The following LMX1B variants were observed in gnomAD, a reference collection of about 807,000 sequenced individuals.
LMX1B encodes the protein LIM homeobox transcription factor 1 beta, also known as LIM homeobox transcription factor 1-beta.
A neutral mutation model predicts 51.4 loss-of-function variants in LMX1B; 12 were observed. That is an observed-to-expected ratio of 0.23 (90% CI 0.15 to 0.38). The LOEUF (loss-of-function observed/expected upper bound fraction) is 0.38, where lower values mean the gene tolerates loss of function less well. Among genes scored for constraint, LMX1B ranks in the 10% least tolerant of loss-of-function variants. LMX1B has a pLI of 1.00. For missense variants in LMX1B, 445 were observed against 571.1 expected (o/e 0.78, Z 2.25); for synonymous variants, 237 against 235.4 (o/e 1.01, Z -0.06).
chr9:126,642,631 G>T (rs1485136370), intron 2 of LMX1B, among the ~76,000 whole-genome samples: 1 of 152,236 alleles, frequency 6.6e-6, no homozygotes, highest in Non-Finnish European at 1.5e-5. Context: ...CTCCCTCACT[G>T]CATGGGTGTT....
At chr9:126,676,373 T>G (rs1836563441) in intron 2 of LMX1B, among the ~76,000 whole-genome samples, 1 of 152,210 alleles carries the variant, frequency 6.6e-6, no homozygotes, top group Non-Finnish European at 1.5e-5. Flanking sequence ...TGTCTCCCAG[T>G]GGCTTGTTCG....
intron 2 of LMX1B, among the ~76,000 whole-genome samples, chr9:126,684,714 C>T (rs572751308): frequency 1.3e-5 from 2 of 152,256 alleles, no homozygotes; most frequent in African/African-American, 4.8e-5. Flanking sequence ...CAATCACTTC[C>T]AGTCACAAGA....
chr9:126,674,364 A>G (rs1247719146), intron 2 of LMX1B, among the ~76,000 whole-genome samples: 1 of 151,596 alleles, frequency 6.6e-6, no homozygotes, highest in African/African-American at 2.4e-5. Flanking sequence ...CGCCTGCTCC[A>G]CTTGTAGGGT....
intron 2 of LMX1B, among the ~76,000 whole-genome samples, chr9:126,647,317 C>A (rs1472566414): frequency 6.6e-6 from 1 of 152,208 alleles, no homozygotes; most frequent in Non-Finnish European, 1.5e-5. Flanking sequence ...AAGATAAACT[C>A]CCTTAGAAGG....
chr9:126,648,858 G>C (rs1199016072), intron 2 of LMX1B, among the ~76,000 whole-genome samples: 2 of 152,166 alleles, frequency 1.3e-5, no homozygotes, highest in African/African-American at 4.8e-5. Context: ...GGAGGCAATG[G>C]CTTGCAGCCT....
intron 2 of LMX1B, among the ~76,000 whole-genome samples, chr9:126,621,507 T>C (rs1410912016): frequency 2.0e-5 from 3 of 152,116 alleles, no homozygotes; most frequent in African/African-American, 7.2e-5. Flanking sequence ...TTCACGAAGG[T>C]AGAGGAAGCA....
chr9:126,633,413 T>C (rs1238586916), intron 2 of LMX1B, among the ~76,000 whole-genome samples: 1 of 152,214 alleles, frequency 6.6e-6, no homozygotes, highest in African/African-American at 2.4e-5. Flanking sequence ...TGAACGGTGC[T>C]TACCTGTCCA....
intron 2 of LMX1B, among the ~76,000 whole-genome samples, chr9:126,670,264 G>C (rs1488884804): frequency 6.6e-6 from 1 of 152,248 alleles, no homozygotes; most frequent in Non-Finnish European, 1.5e-5. Flanking sequence ...CATGAGTAGA[G>C]GCGGCAGACC....
intron 2 of LMX1B, among the ~76,000 whole-genome samples, chr9:126,623,065 G>A (rs528503943): frequency 3.3e-5 from 5 of 152,386 alleles, no homozygotes; most frequent in African/African-American, 9.6e-5. Context: ...AGGCAGCCCC[G>A]TCTGGCAGGA....
chr9:126,659,573 C>T (rs901692010), intron 2 of LMX1B, among the ~76,000 whole-genome samples: 3 of 150,574 alleles, frequency 2.0e-5, no homozygotes, highest in South Asian at 4.2e-4. Flanking sequence ...GTGCCTATAC[C>T]GGCCTTAGAG....
intron 2 of LMX1B, among the ~76,000 whole-genome samples, chr9:126,685,083 A>G: frequency 6.6e-6 from 1 of 152,166 alleles, no homozygotes; most frequent in Admixed American, 6.5e-5. Context: ...CTGGGTTGGT[A>G]GGGACTTCAG....
chr9:126,654,440 G>T (rs1836075131), intron 2 of LMX1B, among the ~76,000 whole-genome samples: 1 of 152,240 alleles, frequency 6.6e-6, no homozygotes, highest in Non-Finnish European at 1.5e-5. Flanking sequence ...TGTCTATGAG[G>T]TGGGGAACGG....
chr9:126,683,891 A>C (rs1836723394), intron 2 of LMX1B, among the ~76,000 whole-genome samples: 1 of 152,110 alleles, frequency 6.6e-6, no homozygotes, highest in South Asian at 2.1e-4. Flanking sequence ...GTTCTTAGGT[A>C]TGTGTTATGT....
rs1836170273 is a variant in LMX1B, at chr9:126,658,822, A to C, written c.327-32014A>C. On this transcript the variant is annotated intron_variant, in intron 2 of 7. Coordinates refer to ENST00000373474, the MANE Select transcript of LMX1B (RefSeq NM_001174147.2). This position sits in a 1 kb window ranked among gnomAD's most constrained non-coding sequence, Gnocchi z 4.0. Reference sequence around the variant, plus strand: ...TGCAGCAGGAGAGACCGGGGGTTCAAATTCAGAAAGCCCCCTTGCCTGTAT... The same window carrying C: ...TGCAGCAGGAGAGACCGGGGGTTCACATTCAGAAAGCCCCCTTGCCTGTAT... Among the ~76,000 whole-genome samples the C allele has an allele frequency of 6.6e-6, 1 of 152,222 alleles. No homozygotes were observed. The highest frequency in any genetic ancestry group is 1.5e-5 in the Non-Finnish European group (1 of 68,048).
At chr9:126,646,525 A>G (rs535573346) in intron 2 of LMX1B, among the ~76,000 whole-genome samples, 21 of 152,346 alleles carry the variant, frequency 1.4e-4, no homozygotes, top group South Asian at 6.2e-4. Context: ...ACCTACAGGC[A>G]TCACCTGCCC....
At chr9:126,696,140 C>A in intron 7 of LMX1B, 137 bp downstream of exon 7, 1 of 1,158,438 alleles carries the variant, frequency 8.6e-7, no homozygotes, top group Non-Finnish European at 1.3e-6. Context: ...CCTGCCCCTG[C>A]TGACAGGAAG....
intron 2 of LMX1B, among the ~76,000 whole-genome samples, chr9:126,689,831 G>A (rs933270513): frequency 3.3e-5 from 5 of 152,236 alleles, no homozygotes; most frequent in African/African-American, 1.2e-4. Context: ...AAGCAACTCT[G>A]CCTCTTAGCA....
At chr9:126,693,913 T>G (rs1588307954) in intron 6 of LMX1B, 101 bp downstream of exon 6, 2 of 661,272 alleles carry the variant, frequency 3.0e-6, no homozygotes, top group Non-Finnish European at 5.3e-6. Flanking sequence ...TGGGGCTGGG[T>G]GAGCCTGGGC....
chr9:126,643,165 G>A (rs1835838723), intron 2 of LMX1B, among the ~76,000 whole-genome samples: 1 of 152,158 alleles, frequency 6.6e-6, no homozygotes, highest in African/African-American at 2.4e-5. Context: ...GGCTAGGGGT[G>A]GAGGCTGGGG....
Sources: gnomAD v4.1 joint callset for allele counts (sites outside exome capture counted in the v4.1 genomes callset) on GRCh38, gnomAD v4.1.1 for gene constraint, Gnocchi (gnomAD v3.1) non-coding constraint, MANE v1.5 for transcripts, NCBI Gene and HGNC (gene_info 2026-07-23, HGNC 2026-07-21) for gene names.